Variants in RERGL observed in about 807,000 individuals in gnomAD.
RERGL encodes ras-related and estrogen-regulated growth inhibitor-like protein.
RERGL carries 22 observed loss-of-function variants against 24.7 expected under a neutral mutation model. That is an observed-to-expected ratio of 0.89 (90% CI 0.64 to 1.27). RERGL has a LOEUF of 1.27. Among genes scored for constraint, RERGL ranks in the 50% most tolerant of loss-of-function variants. The pLI is 0.00. For synonymous variants in RERGL, 76 were observed against 82.6 expected, an observed-to-expected ratio of 0.92 and a Z score of 0.43; for missense variants, 259 against 235.3, an observed-to-expected ratio of 1.10 and a Z score of -0.66.
In RERGL at chr12:18,081,492, A is replaced by G. The variant is rs1270751506; in HGVS notation, c.333-19T>C. ...CACAGCTCTGAAATAGAGATACACA[A>G]TTTTTAGCAAGATTGTTTTAACAAC... On this transcript the variant is annotated intron_variant, in intron 4 of 4. Coordinates refer to ENST00000538724, the MANE Select transcript of RERGL (RefSeq NM_001286201.2). The G allele has an allele frequency of 1.3e-6, 2 of 1,493,654 alleles. No individual in the cohort carries two copies. Among genetic ancestry groups the G allele is most frequent in the Non-Finnish European group, 1.8e-6 (2 of 1,114,610 alleles). The allele number at this position is 1,493,654 out of a possible 1,614,324, so 92.5% of individuals were successfully genotyped here.
In RERGL at chr12:18,084,683, G is replaced by T. The variant is rs756857217; in HGVS notation, c.184-18C>A. The T allele has an allele frequency of 6.2e-7, 1 of 1,602,848 alleles. No individual in the cohort carries two copies. The highest frequency in any genetic ancestry group is 8.5e-7 in the Non-Finnish European group (1 of 1,176,430). On this transcript the variant is annotated intron_variant, in intron 3 of 4. Coordinates refer to ENST00000538724, the MANE Select transcript of RERGL (RefSeq NM_001286201.2). ...TTCTGTGTCTGAAAATAAACCAAGT[G>T]CATTAAAAGTGGTGGGATCTAATAC...
At chr12:18,088,383 A>G (rs896498805) in intron 2 of RERGL, among the ~76,000 whole-genome samples, 3 of 152,094 alleles carry the variant, frequency 2.0e-5, no homozygotes, top group Admixed American at 1.3e-4. Context: ...TTAAAATTAT[A>G]TCAAAATGCC....
Position 18,090,104 on chromosome 12 carries a change from C to G in RERGL, c.37G>C (p.Gly13Arg), listed in dbSNP as rs766410612. The change falls in exon 1 of 5, where the codon GGA (glycine) becomes CGA (arginine). Residue 13 changes from glycine to arginine, a missense_variant. By Grantham distance (125) the Gly-to-Arg change is moderately radical. Transcript: ENST00000538724. ...CACCACTCACCAGATTTGCCTGTTC[C>G]TTCACCACCCAAGACAGCAAGCTTC... is the stretch of plus-strand genomic sequence containing the variant. Reference protein sequence around the residue: ...DVKLAVLGGEGTGKSALTVRF... With the variant: ...DVKLAVLGGERTGKSALTVRF... The G allele has an allele frequency of 7.8e-5, 120 of 1,533,338 alleles. No homozygotes were observed. Among genetic ancestry groups the G allele is most frequent in the South Asian group, 6.3e-4 (53 of 83,704 alleles). 95.0% of individuals were successfully genotyped at this position (1,533,338 alleles called of 1,614,324 possible).
intron 1 of RERGL, chr12:18,089,200 C>A: frequency 1.9e-6 from 3 of 1,584,990 alleles, no homozygotes; most frequent in South Asian, 2.3e-5. Flanking sequence ...GCAGTTAATT[C>A]ATTACCACAA....
chr12:18,090,013 G>T, intron 1 of RERGL, 76 bp downstream of exon 1: 1 of 969,566 alleles, frequency 1.0e-6, no homozygotes, highest in Admixed American at 3.1e-5. Context: ...TATGAAATAC[G>T]TGGTTAATGG....
intron 2 of RERGL, among the ~76,000 whole-genome samples, chr12:18,088,489 T>C (rs999818390): frequency 6.6e-6 from 1 of 152,224 alleles, no homozygotes; most frequent in South Asian, 2.1e-4. Context: ...TATTTTCTTA[T>C]GGTTTTACAA....
chr12:18,084,393 G>A, intron 4 of RERGL, 124 bp downstream of exon 4: 1 of 754,952 alleles, frequency 1.3e-6, no homozygotes, highest in Non-Finnish European at 2.0e-6. Context: ...GGAATAGGAA[G>A]GTGAATTGTT....
rs1237337761 is a variant in RERGL, at chr12:18,081,380, C to T, written c.426G>A (p.Leu142=). 2 of 1,614,124 alleles carry T rather than the reference C, an allele frequency of 1.2e-6. No individual in the cohort carries two copies. Among genetic ancestry groups the T allele is most frequent in the Admixed American group, 1.7e-5 (1 of 60,018 alleles). The change falls in exon 5 of 5, where the codon CTG becomes CTA. Residue 142 remains leucine, a synonymous_variant. Transcript: ENST00000538724. The part of the protein sequence containing the change: ...VGWEEGQKLA[L]ENRCQFCELS... Reference sequence around the variant, plus strand: ...GTTCACAGAATTGGCATCGGTTTTCCAGTGCCAGCTTTTGCCCTTCTTCCC... The same window carrying T: ...GTTCACAGAATTGGCATCGGTTTTCTAGTGCCAGCTTTTGCCCTTCTTCCC...
intron 4 of RERGL, among the ~76,000 whole-genome samples, chr12:18,082,143 CAAAA>C (rs529778796): frequency 1.7e-5 from 2 of 121,064 alleles, no homozygotes; most frequent in Non-Finnish European, 3.6e-5. Flanking sequence ...TTGTCTCAAC[CAAAA>C]AAAAAAAAAA....
intron 4 of RERGL, among the ~76,000 whole-genome samples, chr12:18,081,715 G>C (rs944353457): frequency 1.3e-5 from 2 of 152,128 alleles, no homozygotes; most frequent in Non-Finnish European, 2.9e-5. Context: ...AGGAATTGAA[G>C]TAACATGGAC....
rs1290026905 is a variant in RERGL at position 18,090,120 on chromosome 12, A to G, written c.21T>C (p.Ala7=). 4 of 1,533,176 alleles carry G rather than the reference A, an allele frequency of 2.6e-6. No individual in the cohort carries two copies. Among genetic ancestry groups the G allele is most frequent in the East Asian group, 2.5e-5 (1 of 40,714 alleles). 95.0% of individuals were successfully genotyped at this position (1,533,176 alleles called of 1,614,324 possible). A position where few individuals can be genotyped will look rare whatever the true frequency, so the allele number is the denominator to read the frequency against. The change falls in exon 1 of 5, where the codon GCT becomes GCC. Residue 7 remains alanine, a synonymous_variant. Coordinates refer to ENST00000538724, the MANE Select transcript of RERGL (RefSeq NM_001286201.2). MNDVKL[A]VLGGEGTGKS... Reference sequence around the variant, plus strand: ...TGCCTGTTCCTTCACCACCCAAGACAGCAAGCTTCACATCATTCATCTTGC... The same window carrying G: ...TGCCTGTTCCTTCACCACCCAAGACGGCAAGCTTCACATCATTCATCTTGC...
chr12:18,085,684 T>C lies in RERGL; in HGVS notation c.119A>G (p.Tyr40Cys). 2 of 1,593,400 alleles carry C rather than the reference T, an allele frequency of 1.3e-6. No individual in the cohort carries two copies. The highest frequency in any genetic ancestry group is 2.2e-5 in the South Asian group (2 of 89,230). ...GEYASNFESI[Y>C]KKHLCLERKQ... is the part of the protein sequence containing the mutation. ...CCTTTCCAAACACAAGTGCTTCTTATAGATAGATTCTGCAAAAATATGCAT... is the reference window on the plus strand; with the variant it reads ...CCTTTCCAAACACAAGTGCTTCTTACAGATAGATTCTGCAAAAATATGCAT... Residue 40 changes from tyrosine (Y) to cysteine (C), a missense_variant, in exon 3 of 5, where the codon TAT (tyrosine) becomes TGT (cysteine). By Grantham distance (194) the Tyr-to-Cys change is radical. Transcript: ENST00000538724.
At chr12:18,085,512 C>A (rs903200167) in intron 3 of RERGL, 108 bp downstream of exon 3, 4 of 724,352 alleles carry the variant, frequency 5.5e-6, no homozygotes, top group Non-Finnish European at 9.0e-6. Flanking sequence ...GGTTTTAACA[C>A]CGCAACTTTT....
At chr12:18,088,771 T>A in intron 2 of RERGL, 129 bp downstream of exon 2, 1 of 711,882 alleles carries the variant, frequency 1.4e-6, no homozygotes, top group Non-Finnish European at 2.5e-6. Flanking sequence ...AATCAGAATA[T>A]GTGAATAAAT....
intron 4 of RERGL, among the ~76,000 whole-genome samples, chr12:18,084,242 A>G (rs1947198199): frequency 6.6e-6 from 1 of 152,194 alleles, no homozygotes; most frequent in South Asian, 2.1e-4. Flanking sequence ...ACAAAGGACC[A>G]TTATTTTGCA....
rs1008502948 is a variant in RERGL, at chr12:18,085,574, T to C, written c.183+46A>G. ...TCTTCAAATCATAATTGCTAAAAAA[T>C]CAATCAATAAATAAATCAATAAAAA... is the stretch of plus-strand genomic sequence containing the variant. On this transcript the variant is annotated intron_variant, in intron 3 of 4. Transcript: ENST00000538724. 5 of 1,263,272 alleles carry C rather than the reference T, an allele frequency of 4.0e-6. No homozygotes were observed. The East Asian group carries it at 7.2e-5, about 18-fold the overall frequency. 78.3% of individuals were successfully genotyped at this position (1,263,272 alleles called of 1,614,324 possible). A position where few individuals can be genotyped will look rare whatever the true frequency, so the allele number is the denominator to read the frequency against.
chr12:18,087,342 A>G (rs1353338626), intron 2 of RERGL, among the ~76,000 whole-genome samples: 1 of 152,182 alleles, frequency 6.6e-6, no homozygotes, highest in Non-Finnish European at 1.5e-5. Flanking sequence ...AATTTGTTAC[A>G]GTTTCTTGAA....
At position 18,084,588 on chromosome 12, in the gene RERGL, A is replaced by G. The variant is rs1947201845; in HGVS notation, c.261T>C (p.Asp87=). The change falls in exon 4 of 5, where the codon GAT becomes GAC. Residue 87 remains aspartate (D), a synonymous_variant. Coordinates refer to ENST00000538724, the MANE Select transcript of RERGL (RefSeq NM_001286201.2). ...CTTTTGCAAAAGCAAATGAAGACCT[A>G]TCACTGATGTCATACACAATAACAA... ...DGFVIVYDIS[D]RSSFAFAKAL... is the part of the protein sequence containing the mutation. 3 of 1,613,244 alleles carry G rather than the reference A, an allele frequency of 1.9e-6. No homozygotes were observed. The East Asian group carries it at 6.7e-5, about 36-fold the overall frequency.
At chr12:18,085,274 T>C (rs1216070786) in intron 3 of RERGL, among the ~76,000 whole-genome samples, 1 of 152,204 alleles carries the variant, frequency 6.6e-6, no homozygotes, top group African/African-American at 2.4e-5. Flanking sequence ...TGGTTAGTTA[T>C]AAGTGCAATT....
Sources: allele counts gnomAD v4.1 joint callset (sites outside exome capture counted in the v4.1 genomes callset), GRCh38; gene constraint gnomAD v4.1.1; transcripts MANE v1.5; gene names NCBI Gene and HGNC (gene_info 2026-07-23, HGNC 2026-07-21).